Variants in KIF14 observed in about 807,000 individuals in gnomAD.
KIF14 encodes kinesin-like protein KIF14.
KIF14 carries 98 observed loss-of-function variants against 176.2 expected under a neutral mutation model. That is an observed-to-expected ratio of 0.56 (90% CI 0.47 to 0.66). The LOEUF (loss-of-function observed/expected upper bound fraction) is 0.66, where lower values mean the gene tolerates loss of function less well. KIF14 is among the 30% of genes least tolerant of loss of function. The probability of loss-of-function intolerance (pLI) is 0.00; values close to 1 mark genes in which losing one functional copy is unlikely to be tolerated. For missense variants in KIF14, 1,751 were observed against 1,920.4 expected, an observed-to-expected ratio of 0.91 and a Z score of 1.65; for synonymous variants, 566 against 632.2, an observed-to-expected ratio of 0.90 and a Z score of 1.57.
chr1:200,590,795 CA>C (rs1454234889), intron 16 of KIF14, among the ~76,000 whole-genome samples: 1 of 152,156 alleles, frequency 6.6e-6, no homozygotes, highest in East Asian at 1.9e-4. Flanking sequence ...GAGGCCAAGG[CA>C]GGTGGACTGC....
chr1:200,561,837 A>G (rs1455379525), intron 25 of KIF14, among the ~76,000 whole-genome samples: 1 of 152,188 alleles, frequency 6.6e-6, no homozygotes, highest in Non-Finnish European at 1.5e-5. Context: ...TTGCATCTGA[A>G]CTTTTCCTGT....
rs766460276 is a variant in KIF14 at position 200,580,262 on chromosome 1, G to T, written c.3457C>A (p.Leu1153Ile). The T allele has an allele frequency of 1.4e-6, 2 of 1,419,778 alleles. No homozygotes were observed. Among genetic ancestry groups the T allele is most frequent in the East Asian group, 5.2e-5 (2 of 38,400 alleles). The allele number at this position is 1,419,778 out of a possible 1,614,324, so 87.9% of individuals were successfully genotyped here. A position where few individuals can be genotyped will look rare whatever the true frequency, so the allele number is the denominator to read the frequency against. ...TTAATAATATTCCAAACCTCATAAAGTTCTTTCATTGCTGCAAGTTTAGAT... is the reference window on the plus strand; with the variant it reads ...TTAATAATATTCCAAACCTCATAAATTTCTTTCATTGCTGCAAGTTTAGAT... The part of the protein sequence containing the change: ...FESKLAAMKE[L>I]YESNGSNRGE... The change falls in exon 21 of 30, where the codon CTT becomes ATT. Residue 1153 changes from leucine (L) to isoleucine (I), a missense_variant. Leu to Ile is a conservative substitution (Grantham distance 5). Transcript: ENST00000367350.
intron 3 of KIF14, among the ~76,000 whole-genome samples, chr1:200,614,762 C>T (rs1267581666): frequency 2.7e-5 from 3 of 111,392 alleles, no homozygotes; most frequent in African/African-American, 1.1e-4. Flanking sequence ...AAGCTCTGTT[C>T]TTTCGCTCTT....
intron 22 of KIF14, among the ~76,000 whole-genome samples, chr1:200,571,231 C>A (rs1032192334): frequency 6.7e-6 from 1 of 149,348 alleles, no homozygotes; most frequent in Non-Finnish European, 1.5e-5. Context: ...AGAAGAATGG[C>A]GTAAACCTGG....
chr1:200,572,933 T>C (rs1299318265), intron 22 of KIF14, among the ~76,000 whole-genome samples: 1 of 152,192 alleles, frequency 6.6e-6, no homozygotes, highest in African/African-American at 2.4e-5. Context: ...TCAAGACAAA[T>C]CACTTGAAGA....
intron 4 of KIF14, 99 bp from the exon 5 acceptor site, chr1:200,609,027 AT>A: frequency 1.7e-6 from 1 of 590,240 alleles, no homozygotes; most frequent in South Asian, 2.8e-5. Flanking sequence ...ATATATAAAA[AT>A]ATCCTACAAC....
At position 200,589,409 on chromosome 1, in the gene KIF14, C is replaced by A. The variant is rs550391044; in HGVS notation, c.2962-40G>T. Reference sequence around the variant, plus strand: ...AATAAAAAATATCTCAGGCAAAAACCGTAGCAAAAAAGTACAAAAGTCCCT... The same window carrying A: ...AATAAAAAATATCTCAGGCAAAAACAGTAGCAAAAAAGTACAAAAGTCCCT... On this transcript the variant is annotated intron_variant, in intron 17 of 29. Coordinates refer to ENST00000367350, the MANE Select transcript of KIF14 (RefSeq NM_014875.3). 3.3e-6 allele frequency: 5 copies of A among 1,532,238 alleles called. No homozygotes were observed. The Admixed American group carries it at 8.1e-5, about 25-fold the overall frequency. 94.9% of individuals were successfully genotyped at this position (1,532,238 alleles called of 1,614,324 possible). A position where few individuals can be genotyped will look rare whatever the true frequency, so the allele number is the denominator to read the frequency against.
intron 21 of KIF14, among the ~76,000 whole-genome samples, chr1:200,576,155 A>G (rs1231611670): frequency 6.6e-6 from 1 of 152,214 alleles, no homozygotes; most frequent in Non-Finnish European, 1.5e-5. Context: ...ATACAGAAAA[A>G]TAAGTTAAAA....
In KIF14 at chr1:200,552,672, G is replaced by A. The variant is rs923551207; in HGVS notation, c.*716C>T. The A allele has an allele frequency of 6.6e-5, 10 of 151,916 alleles. No homozygotes were observed. Among genetic ancestry groups the A allele is most frequent in the African/African-American group, 2.4e-4 (10 of 41,390 alleles). 9.4% of individuals were successfully genotyped at this position (151,916 alleles called of 1,614,324 possible). On this transcript the variant is annotated 3_prime_UTR_variant, in exon 30 of 30. Coordinates refer to ENST00000367350, the MANE Select transcript of KIF14 (RefSeq NM_014875.3). ...ACCCTTGAACATACTATTCAAAATG[G>A]CAACCAGTTAACCCTTTGAGAAAAG...
intron 17 of KIF14, among the ~76,000 whole-genome samples, 153 bp from the exon 18 acceptor site, chr1:200,589,522 A>AAACATCACTAGTCAAACTT (rs75982554): frequency 6.6e-6 from 1 of 151,742 alleles, no homozygotes; most frequent in African/African-American, 2.4e-5. Flanking sequence ...AACTAAAAAT[A>AAACATCACTAGTCAAACTT]CTTAAGAGTA....
intron 17 of KIF14, among the ~76,000 whole-genome samples, chr1:200,589,671 C>CT (rs1204882989): frequency 0.028 from 2,131 of 76,588 alleles, 220 homozygotes; most frequent in African/African-American, 0.081. Flanking sequence ...CAACTTTTTT[C>CT]TTTTTTTTTT....
At chr1:200,608,379 T>TC (rs1485495619) in intron 5 of KIF14, among the ~76,000 whole-genome samples, 4 of 151,634 alleles carry the variant, frequency 2.6e-5, no homozygotes, top group Non-Finnish European at 4.4e-5. Flanking sequence ...TTTTTTTTTT[T>TC]TTGGAGACGA....
At position 200,618,695 on chromosome 1, in the gene KIF14, T is replaced by C. The variant is rs778810976; in HGVS notation, c.29A>G (p.Asn10Ser). The change falls in exon 2 of 30, where the codon AAT (asparagine) becomes AGT (serine). Residue 10 changes from asparagine (N) to serine (S), a missense_variant. Transcript: ENST00000367350. ...AATATCAAGAATATCACCGCTGTTA[T>C]TTCTATTATGAGTACTGTGTAATGA... MSLHSTHNR[N>S]NSGDILDIPS... 2.5e-6 allele frequency: 4 copies of C among 1,610,558 alleles called. No homozygotes were observed. Among genetic ancestry groups the C allele is most frequent in the Non-Finnish European group, 2.5e-6 (3 of 1,179,468 alleles).
intron 6 of KIF14, among the ~76,000 whole-genome samples, chr1:200,606,427 GATTAA>G (rs1278731799): frequency 6.6e-6 from 1 of 152,158 alleles, no homozygotes; most frequent in East Asian, 1.9e-4. Flanking sequence ...TGAGAGGGAA[GATTAA>G]ATTAATAGTG....
chr1:200,553,354 A>G lies in KIF14; in HGVS notation c.*34T>C. Reference sequence around the variant, plus strand: ...ACCGAGCAAGTGTTCTTTTTCTTTCATGGGTGGTCATAAAAGTGCCTACAC... The same window carrying G: ...ACCGAGCAAGTGTTCTTTTTCTTTCGTGGGTGGTCATAAAAGTGCCTACAC... On this transcript the variant is annotated 3_prime_UTR_variant, in exon 30 of 30. Transcript: ENST00000367350. The G allele has an allele frequency of 6.5e-7, 1 of 1,530,990 alleles. No individual in the cohort carries two copies. Among genetic ancestry groups the G allele is most frequent in the Middle Eastern group, 1.8e-4 (1 of 5,434 alleles). 94.8% of individuals were successfully genotyped at this position (1,530,990 alleles called of 1,614,324 possible). A position where few individuals can be genotyped will look rare whatever the true frequency, so the allele number is the denominator to read the frequency against.
chr1:200,560,181 G>A (rs1275220317), intron 26 of KIF14, among the ~76,000 whole-genome samples: 10 of 152,184 alleles, frequency 6.6e-5, no homozygotes, highest in South Asian at 2.1e-4. Flanking sequence ...AACCCTCCAC[G>A]GTGGATGACT....
rs749592963 is a variant in KIF14, at chr1:200,580,343, G to A, written c.3376C>T (p.Arg1126Trp). 9.9e-6 allele frequency: 15 copies of A among 1,519,382 alleles called. No homozygotes were observed. The highest frequency in any genetic ancestry group is 4.9e-5 in the East Asian group (2 of 41,060). The allele number at this position is 1,519,382 out of a possible 1,614,324, so 94.1% of individuals were successfully genotyped here. Residue 1126 changes from arginine (R) to tryptophan (W), a missense_variant, in exon 21 of 30, where the codon CGG becomes TGG. By Grantham distance (101) the Arg-to-Trp change is moderately radical (BLOSUM62 -3). Coordinates refer to ENST00000367350, the MANE Select transcript of KIF14 (RefSeq NM_014875.3). ...SDKSSSDTSI[R>W]VRNLKLGIST... The stretch of plus-strand genomic sequence containing the variant: ...ATTCCTAGTTTCAGGTTACGAACCC[G>A]AATAGAAGTGTCAGAACTACTTTTA...
At chr1:200,596,874 A>ATCTCTC (rs755764695) in intron 14 of KIF14, among the ~76,000 whole-genome samples, 4 of 125,122 alleles carry the variant, frequency 3.2e-5, no homozygotes, top group Admixed American at 1.8e-4. Flanking sequence ...AGAACACTCT[A>ATCTCTC]TCTCTCTCTC....
At chr1:200,609,243 C>T (rs1660035363) in intron 4 of KIF14, among the ~76,000 whole-genome samples, 2 of 152,130 alleles carry the variant, frequency 1.3e-5, no homozygotes, top group Admixed American at 6.5e-5. Context: ...AAGTGAAAAC[C>T]AACCAGTGTG....
Sources: allele counts gnomAD v4.1 joint callset (sites outside exome capture counted in the v4.1 genomes callset), GRCh38; gene constraint gnomAD v4.1.1; transcripts MANE v1.5; gene names NCBI Gene and HGNC (gene_info 2026-07-23, HGNC 2026-07-21).